The following TRMT11 variants were observed in gnomAD, a reference collection of about 807,000 sequenced individuals.
TRMT11 encodes the protein tRNA (guanine(10)-N(2))-methyltransferase TRMT11.
A neutral mutation model predicts 62.8 loss-of-function variants in TRMT11; 53 were observed. The observed-to-expected ratio is 0.84, with a 90% CI of 0.68 to 1.06. The LOEUF (loss-of-function observed/expected upper bound fraction) is 1.06, where lower values mean the gene tolerates loss of function less well. Among genes scored for constraint, TRMT11 ranks in the 50% least tolerant of loss-of-function variants. The pLI, the probability that TRMT11 is intolerant of heterozygous loss-of-function variation, is 0.00. For synonymous variants in TRMT11, 188 were observed against 190.3 expected (o/e 0.99, Z 0.10); for missense variants, 556 against 553.4 (o/e 1.00, Z -0.05).
At chr6:126,167,291 G>T (rs1170755620) in intron 21 of TRMT11, among the ~76,000 whole-genome samples, 1 of 152,216 alleles carries the variant, frequency 6.6e-6, no homozygotes, top group Non-Finnish European at 1.5e-5. Context: ...AAAACCATGG[G>T]AAAAGCATAG....
intron 17 of TRMT11, among the ~76,000 whole-genome samples, chr6:126,079,088 C>T (rs1319964016): frequency 6.6e-6 from 1 of 152,040 alleles, no homozygotes; most frequent in Non-Finnish European, 1.5e-5. Context: ...TAAATCATAA[C>T]CCTAAGCCTT....
intron 17 of TRMT11, among the ~76,000 whole-genome samples, chr6:126,060,526 G>C (rs530318977): frequency 6.6e-6 from 1 of 152,322 alleles, no homozygotes; most frequent in African/African-American, 2.4e-5. Flanking sequence ...TCTCCAGAGA[G>C]AATAGTCCAT....
intron 11 of TRMT11, among the ~76,000 whole-genome samples, chr6:126,014,236 T>C (rs1794664273): frequency 6.6e-6 from 1 of 152,096 alleles, no homozygotes; most frequent in South Asian, 2.1e-4. Context: ...CCTATATTTG[T>C]ATTTGTATTT....
At chr6:126,207,078 G>A (rs59841988), downstream of TRMT11, among the ~76,000 whole-genome samples, 2,486 of 152,066 alleles carry the variant, frequency 0.016, 63 homozygotes, top group African/African-American at 0.055. Flanking sequence ...TTTTTCCTTT[G>A]GGAATTTATT....
downstream of TRMT11, chr6:126,202,348 A>G (rs1778741989): frequency 1.3e-5 from 2 of 152,230 alleles, no homozygotes; most frequent in Non-Finnish European, 2.9e-5. Flanking sequence ...TGTAAAGATT[A>G]TTAAGAACTC....
chr6:126,257,868 G>T, the TRMT11 span: 1 of 1,292,372 alleles, frequency 7.7e-7, no homozygotes, highest in Non-Finnish European at 1.1e-6. Context: ...CTTGCTATGA[G>T]GTCGGGGGGA....
At chr6:126,027,759 G>A (rs1462394423) in intron 12 of TRMT11, among the ~76,000 whole-genome samples, 1 of 152,170 alleles carries the variant, frequency 6.6e-6, no homozygotes, top group African/African-American at 2.4e-5. Context: ...AAAGAGTCCA[G>A]TAACATGAAG....
chr6:126,233,122 A>G, the TRMT11 span, among the ~76,000 whole-genome samples: 1 of 152,152 alleles, frequency 6.6e-6, no homozygotes, highest in African/African-American at 2.4e-5. Flanking sequence ...TCAGTATTGA[A>G]CCTGACCATG....
chr6:126,211,924 AC>A, the TRMT11 span, among the ~76,000 whole-genome samples: 1 of 151,636 alleles, frequency 6.6e-6, no homozygotes, highest in Admixed American at 6.6e-5. Flanking sequence ...CTTTACTCCT[AC>A]CCCCTACCCT....
the TRMT11 span, among the ~76,000 whole-genome samples, chr6:126,228,915 T>G: frequency 2.0e-5 from 3 of 152,206 alleles, no homozygotes; most frequent in Non-Finnish European, 4.4e-5. Context: ...CAGTGATGCT[T>G]CCATGGTCTG....
intron 17 of TRMT11, among the ~76,000 whole-genome samples, chr6:126,057,381 A>C (rs530766013): frequency 6.6e-6 from 1 of 152,234 alleles, no homozygotes; most frequent in East Asian, 1.9e-4. Flanking sequence ...TTGAAAAATC[A>C]ATGTCGATGA....
intron 1 of TRMT11, among the ~76,000 whole-genome samples, chr6:125,989,860 A>C (rs1236267512): frequency 6.6e-6 from 1 of 151,886 alleles, no homozygotes; most frequent in Non-Finnish European, 1.5e-5. Flanking sequence ...GCCAAAACTG[A>C]CTCATTATTC....
intron 21 of TRMT11, among the ~76,000 whole-genome samples, chr6:126,151,778 C>G (rs1180657903): frequency 3.3e-5 from 4 of 121,366 alleles, no homozygotes; most frequent in Non-Finnish European, 7.0e-5. Flanking sequence ...TTCCTTTCAC[C>G]CTTTTCCTTC....
At chr6:126,180,768 C>G (rs1417231148) in intron 1 of TRMT11, among the ~76,000 whole-genome samples, 1 of 152,136 alleles carries the variant, frequency 6.6e-6, no homozygotes, top group African/African-American at 2.4e-5. Flanking sequence ...TTGTGGTTTA[C>G]GAGTCATGGG....
intron 21 of TRMT11, among the ~76,000 whole-genome samples, chr6:126,149,405 C>T (rs1452439505): frequency 6.6e-6 from 1 of 152,154 alleles, no homozygotes; most frequent in Non-Finnish European, 1.5e-5. Context: ...TCTTATGGGG[C>T]ATCCACCTTG....
At chr6:126,004,182 A>G (rs938577579) in intron 7 of TRMT11, among the ~76,000 whole-genome samples, 10 of 152,068 alleles carry the variant, frequency 6.6e-5, no homozygotes, top group African/African-American at 2.4e-4. Context: ...TATGGTTGCC[A>G]GTATGGGTAA....
At chr6:126,213,808 G>C in the TRMT11 span, among the ~76,000 whole-genome samples, 1 of 152,002 alleles carries the variant, frequency 6.6e-6, no homozygotes, top group South Asian at 2.1e-4. Context: ...GTGACAGTGG[G>C]CATCCTTGTC....
chr6:125,996,478 G>T (rs1224546075), intron 3 of TRMT11, among the ~76,000 whole-genome samples: 1 of 152,180 alleles, frequency 6.6e-6, no homozygotes, highest in Non-Finnish European at 1.5e-5. Flanking sequence ...AGTTGGTAGA[G>T]AAAATAATTA....
chr6:126,124,901 C>A (rs979221350), intron 21 of TRMT11, among the ~76,000 whole-genome samples: 1 of 152,212 alleles, frequency 6.6e-6, no homozygotes, highest in South Asian at 2.1e-4. Context: ...AGGGTTTCAC[C>A]ACCATCCTCA....
Sources: gnomAD v4.1 joint callset for allele counts (sites outside exome capture counted in the v4.1 genomes callset) on GRCh38, gnomAD v4.1.1 for gene constraint, MANE v1.5 for transcripts, NCBI Gene and HGNC (gene_info 2026-07-23, HGNC 2026-07-21) for gene names.